Variants in TP63 observed in about 807,000 individuals in gnomAD.
The protein encoded by TP63 is tumor protein p63, also known as tumor protein 63.
Under a neutral mutation model 82.8 loss-of-function variants are expected in TP63, and 17 were observed. That is an observed-to-expected ratio of 0.21 (90% CI 0.14 to 0.31). TP63 has a LOEUF of 0.31. Among genes scored for constraint, TP63 ranks in the 10% least tolerant of loss-of-function variants. TP63 has a pLI of 1.00. For synonymous variants in TP63, 330 were observed against 321.7 expected (o/e 1.03, Z -0.28); for missense variants, 648 against 895.3 (o/e 0.72, Z 3.52).
chr3:189,826,313 G>T (rs1729342717), intron 4 of TP63, among the ~76,000 whole-genome samples: 1 of 152,170 alleles, frequency 6.6e-6, no homozygotes, highest in Non-Finnish European at 1.5e-5. Flanking sequence ...CTTGGAAAAG[G>T]CATTGATTAG....
chr3:189,654,904 A>G (rs1713202549), intron 1 of TP63, among the ~76,000 whole-genome samples: 1 of 152,188 alleles, frequency 6.6e-6, no homozygotes, highest in Admixed American at 6.5e-5. Context: ...TAATTAGGTT[A>G]GAGGAGAGAA....
At chr3:189,635,417 A>G (rs1310365935) in intron 1 of TP63, among the ~76,000 whole-genome samples, 2 of 152,072 alleles carry the variant, frequency 1.3e-5, no homozygotes, top group South Asian at 4.1e-4. Context: ...TTGCTCCTCC[A>G]CATCTGCTCT....
chr3:189,717,182 T>TACAC (rs141638035), intron 1 of TP63, among the ~76,000 whole-genome samples: 3 of 150,816 alleles, frequency 2.0e-5, no homozygotes, highest in African/African-American at 4.9e-5. Flanking sequence ...AACAAATATG[T>TACAC]ACACACACAC....
chr3:189,738,164 A>C (rs188773984), intron 2 of TP63, among the ~76,000 whole-genome samples: 1 of 152,352 alleles, frequency 6.6e-6, no homozygotes, highest in Non-Finnish European at 1.5e-5. Context: ...CTTTGGCTTG[A>C]AGACTTATCT....
intron 1 of TP63, among the ~76,000 whole-genome samples, chr3:189,721,957 A>G (rs1402670102): frequency 6.6e-6 from 1 of 152,238 alleles, no homozygotes; most frequent in East Asian, 1.9e-4. Context: ...ATACAGGGCT[A>G]AAGGAAGCCT....
intron 1 of TP63, among the ~76,000 whole-genome samples, chr3:189,631,923 T>C (rs1459911751): frequency 6.6e-6 from 1 of 152,162 alleles, no homozygotes; most frequent in African/African-American, 2.4e-5. Context: ...GTATGGATAA[T>C]CTTCAAGTCA....
rs11915159 is a variant in TP63 at position 189,786,274 on chromosome 3, A to G, written c.325-21998A>G. On this transcript the variant is annotated intron_variant, in intron 3 of 13. Coordinates refer to ENST00000264731, the MANE Select transcript of TP63 (RefSeq NM_003722.5). Reference sequence around the variant, plus strand: ...AACATTCAAAAATCCTAATATTGTAATATGGTTGCAAAATTTTACATTGGG... The same window carrying G: ...AACATTCAAAAATCCTAATATTGTAGTATGGTTGCAAAATTTTACATTGGG... 9.2e-3 allele frequency among the ~76,000 whole-genome samples: 1,402 copies of G among 152,090 alleles called. 27 individuals are homozygous for G. Among genetic ancestry groups the G allele is most frequent in the African/African-American group, 0.032 (1,330 of 41,502 alleles).
intron 4 of TP63, among the ~76,000 whole-genome samples, chr3:189,838,481 TAAAC>T (rs1020710413): frequency 6.6e-6 from 1 of 152,162 alleles, no homozygotes; most frequent in African/African-American, 2.4e-5. Context: ...GTTTCCGTCT[TAAAC>T]AAATGAACTC....
At chr3:189,616,359 TA>T in the TP63 span, among the ~76,000 whole-genome samples, 1 of 152,208 alleles carries the variant, frequency 6.6e-6, no homozygotes, top group African/African-American at 2.4e-5. Context: ...CACAACAAGC[TA>T]ACACTAACCT....
the TP63 span, among the ~76,000 whole-genome samples, chr3:189,599,120 A>G: frequency 2.0e-5 from 3 of 152,172 alleles, no homozygotes; most frequent in South Asian, 6.2e-4. Flanking sequence ...CTTCAACATT[A>G]TATTTACCTC....
chr3:189,827,675 A>C (rs1711617307), intron 4 of TP63, among the ~76,000 whole-genome samples: 1 of 152,216 alleles, frequency 6.6e-6, no homozygotes, highest in Non-Finnish European at 1.5e-5. Context: ...AGTGGGAAGC[A>C]GTTTGGTATA....
chr3:189,886,613 T>A, intron 11 of TP63, 62 bp downstream of exon 11: 2 of 1,602,578 alleles, frequency 1.2e-6, no homozygotes, highest in Non-Finnish European at 1.7e-6. Context: ...GACAAGACTC[T>A]GTGATGGGGA....
At chr3:189,742,243 CAAAAAAAAAAAAAAA>C (rs140413709) in intron 3 of TP63, among the ~76,000 whole-genome samples, 1 of 77,620 alleles carries the variant, frequency 1.3e-5, no homozygotes, top group African/African-American at 5.2e-5. Context: ...AACTCCATCC[CAAAAAAAAAAAAAAA>C]AAAAAAAAAA....
chr3:189,612,767 G>A, the TP63 span, among the ~76,000 whole-genome samples: 22 of 152,300 alleles, frequency 1.4e-4, 1 homozygote, highest in South Asian at 4.6e-3. Flanking sequence ...TCCACGCTGA[G>A]GTGGTTTCAA....
chr3:189,725,467 T>C (rs1304880859), intron 1 of TP63, among the ~76,000 whole-genome samples: 1 of 152,234 alleles, frequency 6.6e-6, no homozygotes, highest in Non-Finnish European at 1.5e-5. Context: ...CTTCTATTTT[T>C]ATGCCACCAA....
chr3:189,708,023 T>A (rs1043742965), intron 1 of TP63, among the ~76,000 whole-genome samples: 1 of 152,234 alleles, frequency 6.6e-6, no homozygotes, highest in African/African-American at 2.4e-5. Context: ...TCCATGTCGT[T>A]CCATTGCCTT....
chr3:189,801,491 T>C (rs1291482498), intron 3 of TP63, among the ~76,000 whole-genome samples: 1 of 152,168 alleles, frequency 6.6e-6, no homozygotes, highest in African/African-American at 2.4e-5. Flanking sequence ...ATGATTATTA[T>C]AGGAGTATGT....
At chr3:189,774,567 C>G (rs1412584479) in intron 3 of TP63, among the ~76,000 whole-genome samples, 1 of 152,172 alleles carries the variant, frequency 6.6e-6, no homozygotes, top group African/African-American at 2.4e-5. Context: ...TTGGTCATCT[C>G]AATATAGTAT....
intron 3 of TP63, among the ~76,000 whole-genome samples, chr3:189,755,428 G>C (rs1722117927): frequency 6.6e-6 from 1 of 151,768 alleles, no homozygotes; most frequent in African/African-American, 2.4e-5. Flanking sequence ...TTTTTTTCTA[G>C]AAAAGATTTA....
Sources: gnomAD v4.1 joint callset for allele counts (sites outside exome capture counted in the v4.1 genomes callset) on GRCh38, gnomAD v4.1.1 for gene constraint, MANE v1.5 for transcripts, NCBI Gene and HGNC (gene_info 2026-07-23, HGNC 2026-07-21) for gene names.